The following NALCN variants were observed in gnomAD, a reference collection of about 807,000 sequenced individuals.
NALCN encodes sodium leak channel, non-selective.
In NALCN, 111 loss-of-function variants were observed where a neutral mutation model predicts 225.3. That is an observed-to-expected ratio of 0.49 (90% CI 0.42 to 0.58). The LOEUF (loss-of-function observed/expected upper bound fraction) is 0.58. Among genes scored for constraint, NALCN ranks in the 20% least tolerant of loss-of-function variants. The probability of loss-of-function intolerance (pLI) is 0.00; values close to 1 mark genes in which losing one functional copy is unlikely to be tolerated. For missense variants in NALCN, 1,378 were observed against 2,202.4 expected (o/e 0.63, Z 7.49); for synonymous variants, 764 against 769.0 (o/e 0.99, Z 0.11).
intron 17 of NALCN, among the ~76,000 whole-genome samples, chr13:101,134,897 A>T (rs938325308): frequency 4.6e-5 from 7 of 152,204 alleles, no homozygotes; most frequent in Admixed American, 3.3e-4. Context: ...GTACTTAATG[A>T]TAAGAAACTA....
intron 1 of NALCN, among the ~76,000 whole-genome samples, chr13:101,416,001 G>A (rs2047933786): frequency 2.0e-5 from 3 of 152,078 alleles, no homozygotes; most frequent in Admixed American, 2.0e-4. Flanking sequence ...CCAGCCCAGG[G>A]GCATCCCGCG....
chr13:101,074,416 C>A, intron 36 of NALCN, 98 bp downstream of exon 36: 1 of 1,154,052 alleles, frequency 8.7e-7, no homozygotes, highest in Non-Finnish European at 1.2e-6. Context: ...CCTTTCCCCT[C>A]TCCTAGACTT....
intron 28 of NALCN, among the ~76,000 whole-genome samples, chr13:101,092,859 C>A (rs554486021): frequency 6.6e-6 from 1 of 152,160 alleles, no homozygotes; most frequent in Admixed American, 6.5e-5. Flanking sequence ...TTCGGGTGAG[C>A]CAGAGGTAAG....
chr13:101,124,460 G>A, intron 18 of NALCN, 148 bp downstream of exon 18: 1 of 663,704 alleles, frequency 1.5e-6, no homozygotes, highest in Non-Finnish European at 2.5e-6. Context: ...CTTTTACATT[G>A]TTTATAAGTA....
chr13:101,330,843 C>T (rs190042752), intron 7 of NALCN, among the ~76,000 whole-genome samples: 1 of 152,276 alleles, frequency 6.6e-6, no homozygotes, highest in Admixed American at 6.5e-5. Flanking sequence ...AGTTTCCCTG[C>T]ACAGGCTCTC....
intron 18 of NALCN, among the ~76,000 whole-genome samples, chr13:101,114,973 G>T (rs1385091679): frequency 6.6e-6 from 1 of 151,930 alleles, no homozygotes; most frequent in Non-Finnish European, 1.5e-5. Context: ...AAGAGAGTAG[G>T]GTTTTCTTTA....
chr13:101,086,004 T>C (rs564707250), intron 30 of NALCN, among the ~76,000 whole-genome samples: 1 of 152,262 alleles, frequency 6.6e-6, no homozygotes, highest in Admixed American at 6.5e-5. Context: ...TCTAATTTTC[T>C]ATACCTATAA....
intron 40 of NALCN, among the ~76,000 whole-genome samples, chr13:101,063,941 C>T (rs779236161): frequency 1.3e-5 from 2 of 152,070 alleles, no homozygotes; most frequent in African/African-American, 4.8e-5. Flanking sequence ...GCTTTAAATG[C>T]ACGGAATGAA....
chr13:101,154,867 G>C (rs529901909), intron 15 of NALCN, among the ~76,000 whole-genome samples: 6 of 152,336 alleles, frequency 3.9e-5, no homozygotes, highest in Non-Finnish European at 8.8e-5. Context: ...TGAAAGAGGA[G>C]TAATGACAAG....
intron 10 of NALCN, among the ~76,000 whole-genome samples, chr13:101,260,499 G>A (rs2042389876): frequency 6.6e-6 from 1 of 152,044 alleles, no homozygotes; most frequent in South Asian, 2.1e-4. Context: ...AGTGTAGAAG[G>A]GTTCCCTTTT....
chr13:101,351,036 T>C, intron 6 of NALCN, among the ~76,000 whole-genome samples: 1 of 152,170 alleles, frequency 6.6e-6, no homozygotes, highest in East Asian at 1.9e-4. Flanking sequence ...CACATACATA[T>C]ATATAATATA....
At chr13:101,359,838 A>T (rs1362538491) in intron 6 of NALCN, among the ~76,000 whole-genome samples, 1 of 152,188 alleles carries the variant, frequency 6.6e-6, no homozygotes, top group Non-Finnish European at 1.5e-5. Context: ...CTTGTTAAAA[A>T]TTCAGAAACT....
intron 6 of NALCN, chr13:101,368,521 G>C (rs1257730021): frequency 6.6e-6 from 1 of 152,036 alleles, no homozygotes; most frequent in Non-Finnish European, 1.5e-5. Flanking sequence ...GCTACAAAAG[G>C]AAACAGAAAA....
rs1369191784 is a variant in NALCN, at chr13:101,152,926, C to G, written c.1840-8030G>C. ...ATTAGAGTTTCATGTCAACTAGATA[C>G]TTGGTTCTTATTGTGAGATGATTCT... On this transcript the variant is annotated intron_variant, in intron 15 of 43. Transcript: ENST00000251127. 2.0e-5 allele frequency among the ~76,000 whole-genome samples: 3 copies of G among 152,058 alleles called. No individual in the cohort carries two copies. In the East Asian group the frequency reaches 5.8e-4, roughly 29 times the overall value.
intron 13 of NALCN, among the ~76,000 whole-genome samples, chr13:101,208,789 C>G (rs987745763): frequency 1.3e-5 from 2 of 152,154 alleles, no homozygotes; most frequent in Non-Finnish European, 2.9e-5. Context: ...TTTCTGTTCT[C>G]GCCATGTGAA....
At chr13:101,371,484 T>A (rs1037550783) in intron 6 of NALCN, among the ~76,000 whole-genome samples, 1 of 152,142 alleles carries the variant, frequency 6.6e-6, no homozygotes, top group East Asian at 1.9e-4. Context: ...GTACCCAGCT[T>A]GATCAACTCT....
At chr13:101,180,943 T>C in intron 14 of NALCN, 1 of 421,292 alleles carries the variant, frequency 2.4e-6, no homozygotes, top group East Asian at 5.7e-5. Context: ...GGAGAGCGGA[T>C]GGGAAGGGCG....
chr13:101,358,447 C>T (rs2046127695), intron 6 of NALCN, among the ~76,000 whole-genome samples: 1 of 152,134 alleles, frequency 6.6e-6, no homozygotes, highest in African/African-American at 2.4e-5. Flanking sequence ...TGAAAAAAAG[C>T]TCAACACCAC....
chr13:101,115,655 ATG>A (rs1030688346), intron 18 of NALCN, among the ~76,000 whole-genome samples: 18 of 152,310 alleles, frequency 1.2e-4, no homozygotes, highest in African/African-American at 4.1e-4. Flanking sequence ...TTTTGGTCTC[ATG>A]TAAGGACAAA....
Sources: allele counts gnomAD v4.1 joint callset (sites outside exome capture counted in the v4.1 genomes callset), GRCh38; gene constraint gnomAD v4.1.1; transcripts MANE v1.5; gene names NCBI Gene and HGNC (gene_info 2026-07-23, HGNC 2026-07-21).